Variants in PTPRD observed in about 807,000 individuals in gnomAD.
PTPRD encodes receptor-type tyrosine-protein phosphatase delta.
Under a neutral mutation model 214.5 loss-of-function variants are expected in PTPRD, and 34 were observed. The observed-to-expected ratio is 0.16, with a 90% CI of 0.12 to 0.21. The LOEUF is 0.21. Ranked by LOEUF, PTPRD falls within the 10% of genes least tolerant of loss-of-function variation. PTPRD has a pLI of 1.00. For missense variants in PTPRD, 2,545 were observed against 2,398.7 expected (o/e 1.06, Z -1.27); for synonymous variants, 1,128 against 845.7 (o/e 1.33, Z -5.79).
chr9:9,656,672 C>G (rs185563126), intron 7 of PTPRD, among the ~76,000 whole-genome samples: 4 of 152,182 alleles, frequency 2.6e-5, no homozygotes, highest in African/African-American at 9.6e-5. Context: ...ATGAAACAGT[C>G]TGTATGATAC....
chr9:9,591,299 A>G (rs2092703814), intron 7 of PTPRD, among the ~76,000 whole-genome samples: 1 of 151,948 alleles, frequency 6.6e-6, no homozygotes, highest in Admixed American at 6.6e-5. Flanking sequence ...GGGACCAAAG[A>G]CCATACCAGA....
intron 2 of PTPRD, among the ~76,000 whole-genome samples, chr9:10,477,052 C>A (rs1319975901): frequency 6.6e-6 from 1 of 151,984 alleles, no homozygotes; most frequent in Non-Finnish European, 1.5e-5. Flanking sequence ...TAGGCAATAC[C>A]ATTCAGGACA....
At chr9:10,203,605 G>C (rs2099445060) in intron 3 of PTPRD, among the ~76,000 whole-genome samples, 1 of 152,112 alleles carries the variant, frequency 6.6e-6, no homozygotes, top group Non-Finnish European at 1.5e-5. Context: ...GGCTAGATAA[G>C]CTCTATGGAT....
At chr9:9,575,393 C>T (rs747196232) in intron 7 of PTPRD, among the ~76,000 whole-genome samples, 15 of 151,922 alleles carry the variant, frequency 9.9e-5, no homozygotes, top group African/African-American at 2.4e-4. Context: ...CTTTAAAATA[C>T]GCCAGTTAGT....
At chr9:10,361,095 G>A (rs557965080) in intron 2 of PTPRD, among the ~76,000 whole-genome samples, 3 of 152,250 alleles carry the variant, frequency 2.0e-5, no homozygotes, top group South Asian at 2.1e-4. Context: ...GCGAGACTCT[G>A]TCTCAAAAAC....
At chr9:9,624,018 G>C (rs185729170) in intron 7 of PTPRD, among the ~76,000 whole-genome samples, 175 of 152,230 alleles carry the variant, frequency 1.1e-3, no homozygotes, top group African/African-American at 4.1e-3. Context: ...GGGAATATGA[G>C]CTCATAAAAA....
At chr9:10,592,668 G>A (rs1354820976) in intron 2 of PTPRD, among the ~76,000 whole-genome samples, 2 of 151,732 alleles carry the variant, frequency 1.3e-5, no homozygotes, top group East Asian at 3.9e-4. Context: ...AGCTAGCAAG[G>A]GTATTGTAAA....
rs1361103204 is a variant in PTPRD at position 10,125,371 on chromosome 9, T to C, written c.-544-91581A>G. Among the ~76,000 whole-genome samples the C allele has an allele frequency of 2.7e-5, 4 of 150,420 alleles. 1 individual carries two copies. The highest frequency in any genetic ancestry group is 9.7e-5 in the African/African-American group (4 of 41,228). ...AAATAAATCAATCATTTCTTTTTTC[T>C]TTTCGTTTTTATCTTCTTTTTTATT... On this transcript the variant is annotated intron_variant, in intron 3 of 45. Transcript: ENST00000381196.
At chr9:10,190,843 G>A (rs113110846) in intron 3 of PTPRD, among the ~76,000 whole-genome samples, 1 of 151,878 alleles carries the variant, frequency 6.6e-6, no homozygotes, top group African/African-American at 2.4e-5. Flanking sequence ...GTAGGCTGCT[G>A]AAGTAATACA....
At chr9:9,355,216 T>C (rs933504621) in intron 9 of PTPRD, among the ~76,000 whole-genome samples, 10 of 151,670 alleles carry the variant, frequency 6.6e-5, no homozygotes, top group African/African-American at 1.9e-4. Context: ...GGTTTTTATA[T>C]ACCAATTATA....
intron 8 of PTPRD, among the ~76,000 whole-genome samples, chr9:9,466,161 T>C (rs1217458749): frequency 2.0e-5 from 3 of 151,806 alleles, no homozygotes; most frequent in Non-Finnish European, 4.4e-5. Flanking sequence ...ATACAAAAAT[T>C]AGCTAGGCAT....
intron 11 of PTPRD, among the ~76,000 whole-genome samples, chr9:8,775,544 T>A (rs1397205975): frequency 6.6e-6 from 1 of 151,624 alleles, no homozygotes; most frequent in Non-Finnish European, 1.5e-5. Context: ...GGAAAGGCCT[T>A]AGTCACATGT....
At chr9:9,775,314 T>C (rs189766738) in intron 5 of PTPRD, among the ~76,000 whole-genome samples, 1 of 152,312 alleles carries the variant, frequency 6.6e-6, no homozygotes, top group East Asian at 1.9e-4. Flanking sequence ...GCTGAAGGGC[T>C]GGTTCCTTGT....
intron 2 of PTPRD, among the ~76,000 whole-genome samples, chr9:10,578,826 G>A (rs1045054982): frequency 2.6e-5 from 4 of 152,118 alleles, no homozygotes; most frequent in South Asian, 2.1e-4. Flanking sequence ...AAACAATCCC[G>A]TCATCCAGGT....
At chr9:10,057,787 AGAG>A (rs2097684304) in intron 3 of PTPRD, among the ~76,000 whole-genome samples, 1 of 151,642 alleles carries the variant, frequency 6.6e-6, no homozygotes, top group South Asian at 2.1e-4. Flanking sequence ...GGTTGCAGTG[AGAG>A]GAGATCATAC....
At chr9:9,110,856 A>G (rs974449829) in intron 10 of PTPRD, among the ~76,000 whole-genome samples, 13 of 152,286 alleles carry the variant, frequency 8.5e-5, no homozygotes, top group African/African-American at 2.9e-4. Flanking sequence ...GAATGTAGCC[A>G]CAATCATTCA....
intron 10 of PTPRD, among the ~76,000 whole-genome samples, chr9:9,061,255 A>G (rs1175228791): frequency 6.6e-6 from 1 of 152,224 alleles, no homozygotes; most frequent in Non-Finnish European, 1.5e-5. Context: ...ACACAAAAGA[A>G]AACAGACAAA....
chr9:8,995,561 T>C (rs911338656), intron 11 of PTPRD, among the ~76,000 whole-genome samples: 1 of 151,738 alleles, frequency 6.6e-6, no homozygotes, highest in African/African-American at 2.4e-5. Context: ...ATTTGACAAC[T>C]CTCTCTACAC....
chr9:9,113,363 T>C (rs1259925133), intron 10 of PTPRD, among the ~76,000 whole-genome samples: 1 of 152,116 alleles, frequency 6.6e-6, no homozygotes, highest in Non-Finnish European at 1.5e-5. Flanking sequence ...TACTATGCAG[T>C]GACCACACAC....
Sources: allele counts gnomAD v4.1 joint callset (sites outside exome capture counted in the v4.1 genomes callset), GRCh38; gene constraint gnomAD v4.1.1; transcripts MANE v1.5; gene names NCBI Gene and HGNC (gene_info 2026-07-23, HGNC 2026-07-21).